Variants in FOXK1 observed in about 807,000 individuals in gnomAD.
FOXK1 encodes forkhead box protein K1.
In FOXK1, 19 loss-of-function variants were observed where a neutral mutation model predicts 51.9. The ratio of observed to expected loss-of-function variants is 0.37; its 90% CI spans 0.26 to 0.54. The LOEUF (loss-of-function observed/expected upper bound fraction) is 0.54. Ranked by LOEUF, FOXK1 falls within the 20% of genes least tolerant of loss-of-function variation. FOXK1 has a pLI of 0.87. For missense variants in FOXK1, 870 were observed against 1,032.7 expected (o/e 0.84, Z 2.16); for synonymous variants, 537 against 482.6 (o/e 1.11, Z -1.48).
chr7:4,761,403 A>T lies in FOXK1; in HGVS notation c.1921+115A>T. On this transcript the variant is annotated intron_variant, in intron 8 of 8. Coordinates refer to ENST00000328914, the MANE Select transcript of FOXK1 (RefSeq NM_001037165.2). The surrounding 1 kb of genome is among the most constrained non-coding windows in gnomAD (Gnocchi z 6.2). ...CCCGATCCTCCACTCAGTTCAATTT[A>T]TTGAGCACCTGCTATACTCCAGGCA... The T allele has an allele frequency of 9.5e-7, 1 of 1,055,336 alleles. No homozygotes were observed. Among genetic ancestry groups the T allele is most frequent in the South Asian group, 1.5e-5 (1 of 66,978 alleles). The allele number at this position is 1,055,336 out of a possible 1,614,324, so 65.4% of individuals were successfully genotyped here. A position where few individuals can be genotyped will look rare whatever the true frequency, so the allele number is the denominator to read the frequency against.
intron 1 of FOXK1, among the ~76,000 whole-genome samples, chr7:4,726,415 T>G (rs1029756264): frequency 1.1e-4 from 16 of 152,128 alleles, no homozygotes; most frequent in African/African-American, 3.1e-4. Context: ...AAGTCAGGAG[T>G]TCGAGACCAG....
At chr7:4,697,838 A>G (rs1476852768) in intron 1 of FOXK1, among the ~76,000 whole-genome samples, 1 of 99,026 alleles carries the variant, frequency 1.0e-5, no homozygotes, top group Non-Finnish European at 2.1e-5. Flanking sequence ...TCTTTTTTTT[A>G]TTTTGAGATG....
rs1188517511 is a variant in FOXK1, at chr7:4,741,031, GC to G, written c.746+14del. 17 of 1,498,746 alleles carry G rather than the reference GC, an allele frequency of 1.1e-5. No homozygotes were observed. Among genetic ancestry groups the G allele is most frequent in the Non-Finnish European group, 1.3e-5 (15 of 1,129,824 alleles). 92.8% of individuals were successfully genotyped at this position (1,498,746 alleles called of 1,614,324 possible). A position where few individuals can be genotyped will look rare whatever the true frequency, so the allele number is the denominator to read the frequency against. On this transcript the variant is annotated intron_variant, in intron 2 of 8. Coordinates refer to ENST00000328914, the MANE Select transcript of FOXK1 (RefSeq NM_001037165.2). Reference sequence around the variant, plus strand: ...CCCGACGGGCACCATCAGGTGAGTAGCCCCCCAGCCTGCCCTTGGGCCCCCA... The same window carrying G: ...CCCGACGGGCACCATCAGGTGAGTAGCCCCCAGCCTGCCCTTGGGCCCCCA...
Position 4,767,309 on chromosome 7 carries a change from C to G in FOXK1, c.*4845C>G, listed in dbSNP as rs1482024515. ...AGTTACGAAACATGATCGTCAGGCTCTTTGCAAACGCAGAGCCCCAGAACG... is the reference window on the plus strand; with the variant it reads ...AGTTACGAAACATGATCGTCAGGCTGTTTGCAAACGCAGAGCCCCAGAACG... On this transcript the variant is annotated 3_prime_UTR_variant, in exon 9 of 9. Coordinates refer to ENST00000328914, the MANE Select transcript of FOXK1 (RefSeq NM_001037165.2). The surrounding 1 kb of genome is among the most constrained non-coding windows in gnomAD (Gnocchi z 6.6). The G allele has an allele frequency of 1.3e-5, 2 of 152,274 alleles. No homozygotes were observed. The highest frequency in any genetic ancestry group is 2.9e-5 in the Non-Finnish European group (2 of 68,062). 9.4% of individuals were successfully genotyped at this position (152,274 alleles called of 1,614,324 possible).
At chr7:4,706,177 C>A (rs1425879295) in intron 1 of FOXK1, among the ~76,000 whole-genome samples, 1 of 151,860 alleles carries the variant, frequency 6.6e-6, no homozygotes, top group Non-Finnish European at 1.5e-5. Flanking sequence ...AACGTCATTT[C>A]AGCGCGTTTT....
intron 1 of FOXK1, among the ~76,000 whole-genome samples, chr7:4,736,302 A>G (rs1318317392): frequency 2.0e-5 from 3 of 152,148 alleles, no homozygotes; most frequent in African/African-American, 7.2e-5. Context: ...ACAGTAGGAA[A>G]TTGTCATCTA....
At position 4,682,816 on chromosome 7, in the gene FOXK1, G is replaced by A. The variant is rs1310936839; in HGVS notation, c.508G>A (p.Val170Met). Residue 170 changes from valine to methionine, a missense_variant, in exon 1 of 9, where the codon GTG becomes ATG. Coordinates refer to ENST00000328914, the MANE Select transcript of FOXK1 (RefSeq NM_001037165.2). The surrounding 1 kb of genome is among the most constrained non-coding windows in gnomAD (Gnocchi z 7.6). ...LRCLGKNGVFVDGAFQRRGAP... is the reference protein window; with the variant it reads ...LRCLGKNGVFMDGAFQRRGAP... Reference sequence around the variant, plus strand: ...CTGCCTCGGCAAGAACGGCGTCTTCGTGGACGGGGCCTTCCAGAGACGCGG... The same window carrying A: ...CTGCCTCGGCAAGAACGGCGTCTTCATGGACGGGGCCTTCCAGAGACGCGG... 7.6e-6 allele frequency: 12 copies of A among 1,582,190 alleles called. No homozygotes were observed. The highest frequency in any genetic ancestry group is 1.0e-5 in the Non-Finnish European group (12 of 1,171,598).
chr7:4,759,622 C>T lies in FOXK1; in HGVS notation c.1696+27C>T, dbSNP rs767529198. 1.8e-5 allele frequency: 27 copies of T among 1,523,184 alleles called. No individual in the cohort carries two copies. In the South Asian group the frequency reaches 2.2e-4, roughly 12 times the overall value. The allele number at this position is 1,523,184 out of a possible 1,614,324, so 94.4% of individuals were successfully genotyped here. A position where few individuals can be genotyped will look rare whatever the true frequency, so the allele number is the denominator to read the frequency against. The stretch of plus-strand genomic sequence containing the variant: ...TAATGCAGCCGCGGCTGGCAGCCTT[C>T]GCAGGACCCTTTGTGGTGGTCCCGG... On this transcript the variant is annotated intron_variant, in intron 7 of 8. Coordinates refer to ENST00000328914, the MANE Select transcript of FOXK1 (RefSeq NM_001037165.2).
At chr7:4,686,931 TC>T (rs1304293281) in intron 1 of FOXK1, among the ~76,000 whole-genome samples, 17 of 147,964 alleles carry the variant, frequency 1.1e-4, no homozygotes, top group African/African-American at 4.2e-4. Context: ...TAATTTTTTT[TC>T]TTTTCTTTTT....
intron 1 of FOXK1, among the ~76,000 whole-genome samples, chr7:4,700,772 G>A (rs1052126658): frequency 6.6e-6 from 1 of 151,974 alleles, no homozygotes; most frequent in South Asian, 2.1e-4. Context: ...AGCTATAATC[G>A]CACCACTACA....
chr7:4,757,382 C>T (rs1361581859), intron 5 of FOXK1, among the ~76,000 whole-genome samples, 195 bp downstream of exon 5: 1 of 151,960 alleles, frequency 6.6e-6, no homozygotes, highest in Admixed American at 6.6e-5. Context: ...AATCCCAGCA[C>T]TCTGGGAGGC....
chr7:4,708,892 C>T (rs1171727936), intron 1 of FOXK1, among the ~76,000 whole-genome samples: 1 of 152,042 alleles, frequency 6.6e-6, no homozygotes, highest in Non-Finnish European at 1.5e-5. Context: ...TAGTGAGACC[C>T]CGTCTCTACT....
intron 1 of FOXK1, among the ~76,000 whole-genome samples, chr7:4,704,411 A>G (rs939244063): frequency 6.7e-6 from 1 of 148,522 alleles, no homozygotes; most frequent in Admixed American, 6.9e-5. Flanking sequence ...AGATCACGCC[A>G]CTGCACTCCA....
rs895898299 is a variant in FOXK1, at chr7:4,766,730, G to A, written c.*4266G>A. The A allele has an allele frequency of 1.3e-5, 2 of 152,300 alleles. No individual in the cohort carries two copies. Among genetic ancestry groups the A allele is most frequent in the African/African-American group, 4.8e-5 (2 of 41,446 alleles). The allele number at this position is 152,300 out of a possible 1,614,324, so 9.4% of individuals were successfully genotyped here. A position where few individuals can be genotyped will look rare whatever the true frequency, so the allele number is the denominator to read the frequency against. ...GCTGGGCCTCGCCTCCCCGGCTCCT[G>A]GGTCCATTTTCTGTACTGGTTTGAG... On this transcript the variant is annotated 3_prime_UTR_variant, in exon 9 of 9. Transcript: ENST00000328914. This position sits in a 1 kb window ranked among gnomAD's most constrained non-coding sequence, Gnocchi z 5.5.
Position 4,755,143 on chromosome 7 carries a change from G to C in FOXK1, c.904-94G>C, listed in dbSNP as rs771715705. ...GTGCCGGCAAGACGCGCACATTCTC[G>C]TGGGAAGGTTCCTCCCCATCAGCTG... On this transcript the variant is annotated intron_variant, in intron 3 of 8. Coordinates refer to ENST00000328914, the MANE Select transcript of FOXK1 (RefSeq NM_001037165.2). The surrounding 1 kb of genome is among the most constrained non-coding windows in gnomAD (Gnocchi z 6.6). 6.7e-6 allele frequency: 10 copies of C among 1,494,392 alleles called. No homozygotes were observed. The South Asian group carries it at 8.6e-5, about 13-fold the overall frequency. 92.6% of individuals were successfully genotyped at this position (1,494,392 alleles called of 1,614,324 possible).
At position 4,740,895 on chromosome 7, in the gene FOXK1, C is replaced by G. The variant is rs768184957; in HGVS notation, c.618C>G (p.His206Gln). ...AIKIQFTSLYHKEEAPASPLR... is the reference protein window; with the variant it reads ...AIKIQFTSLYQKEEAPASPLR... The stretch of plus-strand genomic sequence containing the variant: ...AGATCCAGTTCACGTCGCTCTATCA[C>G]AAAGAAGAGGCCCCAGCCTCCCCGC... The change falls in exon 2 of 9, where the codon CAC (histidine) becomes CAG (glutamine). Residue 206 changes from histidine (H) to glutamine (Q), a missense_variant. By Grantham distance (24) the His-to-Gln change is conservative (BLOSUM62 0). Coordinates refer to ENST00000328914, the MANE Select transcript of FOXK1 (RefSeq NM_001037165.2). The G allele has an allele frequency of 4.4e-6, 7 of 1,594,338 alleles. No individual in the cohort carries two copies. The highest frequency in any genetic ancestry group is 5.1e-6 in the Non-Finnish European group (6 of 1,171,692).
In FOXK1 at chr7:4,761,006, G is replaced by A. The variant is rs1192120735; in HGVS notation, c.1697-58G>A. 5.9e-6 allele frequency: 9 copies of A among 1,536,502 alleles called. No individual in the cohort carries two copies. The highest frequency in any genetic ancestry group is 5.6e-5 in the South Asian group (5 of 88,906). The stretch of plus-strand genomic sequence containing the variant: ...TTGTCCGACCTGCTGCCCAGGCGTC[G>A]AGGAAATCGATTGTCTCGTTGGCCG... On this transcript the variant is annotated intron_variant, in intron 7 of 8. Transcript: ENST00000328914. The surrounding 1 kb of genome is among the most constrained non-coding windows in gnomAD (Gnocchi z 6.2).
chr7:4,753,206 T>C lies in FOXK1; in HGVS notation c.747-1253T>C, dbSNP rs1349235304. On this transcript the variant is annotated intron_variant, in intron 2 of 8. Coordinates refer to ENST00000328914, the MANE Select transcript of FOXK1 (RefSeq NM_001037165.2). This position sits in a 1 kb window ranked among gnomAD's most constrained non-coding sequence, Gnocchi z 4.9. ...TCATTAATGTCAGCTGTCAGGTTTT[T>C]CTCAGCCACAGGATTTTTTTCATTC... Among the ~76,000 whole-genome samples the C allele has an allele frequency of 6.6e-6, 1 of 152,200 alleles. No homozygotes were observed. Among genetic ancestry groups the C allele is most frequent in the East Asian group, 1.9e-4 (1 of 5,196 alleles).
At position 4,745,101 on chromosome 7, in the gene FOXK1, C is replaced by G. The variant is rs991456878; in HGVS notation, c.746+4078C>G. Among the ~76,000 whole-genome samples the G allele has an allele frequency of 3.3e-5, 5 of 152,234 alleles. No individual in the cohort carries two copies. The highest frequency in any genetic ancestry group is 3.3e-4 in the Admixed American group (5 of 15,286). ...CCTGCCACCTCCCCACTCTCCTCCT[C>G]TCTGGCTGCGCTCCCTAACAGATCG... On this transcript the variant is annotated intron_variant, in intron 2 of 8. Transcript: ENST00000328914. The surrounding 1 kb of genome is among the most constrained non-coding windows in gnomAD (Gnocchi z 4.3).
Sources: allele counts gnomAD v4.1 joint callset (sites outside exome capture counted in the v4.1 genomes callset), GRCh38; gene constraint gnomAD v4.1.1; non-coding constraint Gnocchi (gnomAD v3.1); transcripts MANE v1.5; gene names NCBI Gene and HGNC (gene_info 2026-07-23, HGNC 2026-07-21).